The following RBFOX1 variants were observed in gnomAD, a reference collection of about 807,000 sequenced individuals.
RBFOX1 encodes the protein RNA binding protein fox-1 homolog 1.
In RBFOX1, 8 loss-of-function variants were observed where a neutral mutation model predicts 57.7. The observed-to-expected ratio is 0.14, with a 90% CI of 0.08 to 0.25. RBFOX1 has a LOEUF of 0.25. Among genes scored for constraint, RBFOX1 ranks in the 10% least tolerant of loss-of-function variants. The pLI, the probability that RBFOX1 is intolerant of heterozygous loss-of-function variation, is 1.00. For synonymous variants in RBFOX1, 326 were observed against 222.4 expected (o/e 1.47, Z -4.15); for missense variants, 611 against 548.5 (o/e 1.11, Z -1.14).
rs148347729 is a variant in RBFOX1, at chr16:7,038,669, C to T, written c.-15-13388C>T. On this transcript the variant is annotated intron_variant, in intron 3 of 15. Transcript: ENST00000550418. ...ATCAAGCCTGAAGTGAACAACTCCACGAGACTGCATTCTTGCAGAAAGCAG... is the reference window on the plus strand; with the variant it reads ...ATCAAGCCTGAAGTGAACAACTCCATGAGACTGCATTCTTGCAGAAAGCAG... 4.9e-4 allele frequency among the ~76,000 whole-genome samples: 74 copies of T among 152,212 alleles called. 2 individuals carry two copies. The East Asian group carries it at 9.9e-3, about 20-fold the overall frequency.
intron 1 of RBFOX1, among the ~76,000 whole-genome samples, chr16:5,381,340 T>C (rs2066125896): frequency 6.6e-6 from 1 of 152,252 alleles, no homozygotes. Flanking sequence ...AAATAATTAA[T>C]ATTTATTTAG....
At chr16:6,521,451 G>GTCCCC (rs1223370084) in intron 2 of RBFOX1, among the ~76,000 whole-genome samples, 1 of 55,514 alleles carries the variant, frequency 1.8e-5, no homozygotes, top group African/African-American at 7.1e-5. Flanking sequence ...CTCCCCTCCC[G>GTCCCC]TCCCCTCTCC....
At chr16:6,562,391 C>G (rs762398438) in intron 2 of RBFOX1, among the ~76,000 whole-genome samples, 5 of 152,214 alleles carry the variant, frequency 3.3e-5, no homozygotes, top group Non-Finnish European at 7.3e-5. Flanking sequence ...GTGTATCACT[C>G]TTCAGAGCAC....
chr16:6,513,333 T>C (rs1409570764), intron 2 of RBFOX1, among the ~76,000 whole-genome samples: 1 of 152,196 alleles, frequency 6.6e-6, no homozygotes, highest in Non-Finnish European at 1.5e-5. Context: ...CTCCTCCTTG[T>C]TGTCTAACTT....
intron 3 of RBFOX1, among the ~76,000 whole-genome samples, chr16:5,814,341 T>G (rs1307957822): frequency 6.6e-6 from 1 of 152,164 alleles, no homozygotes; most frequent in South Asian, 2.1e-4. Flanking sequence ...TCACTCTAAT[T>G]TATATGAAGA....
At chr16:7,419,096 C>T (rs1461180709) in intron 4 of RBFOX1, among the ~76,000 whole-genome samples, 2 of 152,012 alleles carry the variant, frequency 1.3e-5, no homozygotes, top group African/African-American at 4.8e-5. Flanking sequence ...TTACTAGAGA[C>T]AGGGTTTCGC....
At chr16:7,265,820 C>A (rs529137756) in intron 4 of RBFOX1, among the ~76,000 whole-genome samples, 47 of 152,126 alleles carry the variant, frequency 3.1e-4, no homozygotes, top group African/African-American at 1.0e-3. Flanking sequence ...GATATTTGTC[C>A]CCACTCAAAT....
At chr16:6,747,456 CTG>C (rs1341096568) in intron 3 of RBFOX1, among the ~76,000 whole-genome samples, 1 of 151,200 alleles carries the variant, frequency 6.6e-6, no homozygotes, top group Non-Finnish European at 1.5e-5. Flanking sequence ...GTCTGTCTGT[CTG>C]TCTGTCTGTC....
At chr16:6,470,340 C>G (rs1375507996) in intron 2 of RBFOX1, among the ~76,000 whole-genome samples, 3 of 152,166 alleles carry the variant, frequency 2.0e-5, no homozygotes, top group African/African-American at 4.8e-5. Flanking sequence ...TAGGTATAAA[C>G]TAGTCATGGA....
intron 3 of RBFOX1, among the ~76,000 whole-genome samples, chr16:6,982,993 T>A (rs1248988386): frequency 1.9e-4 from 15 of 79,326 alleles, no homozygotes; most frequent in Admixed American, 3.6e-4. Flanking sequence ...AGACTCTGTC[T>A]AAAAAAAAAA....
At chr16:7,403,802 TC>T (rs1329865005) in intron 4 of RBFOX1, among the ~76,000 whole-genome samples, 2 of 151,980 alleles carry the variant, frequency 1.3e-5, no homozygotes, top group African/African-American at 4.8e-5. Flanking sequence ...CACCTCAGCC[TC>T]CCAAAGTGCT....
At chr16:7,502,661 C>G (rs560803810) in intron 4 of RBFOX1, among the ~76,000 whole-genome samples, 1 of 151,974 alleles carries the variant, frequency 6.6e-6, no homozygotes. Flanking sequence ...TAGTTACATA[C>G]GTATACATGT....
At chr16:6,687,470 A>C in intron 3 of RBFOX1, among the ~76,000 whole-genome samples, 1 of 152,218 alleles carries the variant, frequency 6.6e-6, no homozygotes, top group East Asian at 1.9e-4. Context: ...AAGTTAAATA[A>C]TTAAACTTAA....
At position 7,583,703 on chromosome 16, in the gene RBFOX1, C is replaced by G. The variant is rs1252564247; in HGVS notation, c.415-3544C>G. 3.9e-5 allele frequency among the ~76,000 whole-genome samples: 6 copies of G among 152,176 alleles called. No individual in the cohort carries two copies. The East Asian group carries it at 1.2e-3, about 29-fold the overall frequency. ...CAAAATACAGACCCTCTTGGCCAGG[C>G]ATGATGGTGGCTTATACCTGTAATC... On this transcript the variant is annotated intron_variant, in intron 6 of 15. Coordinates refer to ENST00000550418, the MANE Select transcript of RBFOX1 (RefSeq NM_018723.4).
intron 3 of RBFOX1, among the ~76,000 whole-genome samples, chr16:7,049,396 C>A (rs1259127417): frequency 6.6e-6 from 1 of 152,046 alleles, no homozygotes; most frequent in Non-Finnish European, 1.5e-5. Flanking sequence ...TACATGAACA[C>A]TACCCTGAGA....
intron 3 of RBFOX1, among the ~76,000 whole-genome samples, chr16:6,953,099 G>T (rs964588175): frequency 6.6e-6 from 1 of 152,110 alleles, no homozygotes. Flanking sequence ...AACAAAGAAG[G>T]CTTGAAGGTC....
At chr16:6,716,782 G>C (rs1272706026) in intron 3 of RBFOX1, among the ~76,000 whole-genome samples, 1 of 152,004 alleles carries the variant, frequency 6.6e-6, no homozygotes, top group Non-Finnish European at 1.5e-5. Flanking sequence ...TTTCCCTGGG[G>C]TTGTGAAAGT....
chr16:6,251,483 A>G (rs527392970), intron 1 of RBFOX1, among the ~76,000 whole-genome samples: 65 of 152,258 alleles, frequency 4.3e-4, no homozygotes, highest in African/African-American at 1.5e-3. Context: ...GCAGCAGCCT[A>G]AGAACCAAAA....
chr16:6,067,942 A>G (rs1270795913), intron 1 of RBFOX1, among the ~76,000 whole-genome samples: 1 of 152,236 alleles, frequency 6.6e-6, no homozygotes, highest in African/African-American at 2.4e-5. Flanking sequence ...CTTGAACAGT[A>G]TCCAACTAGC....
Sources: gnomAD v4.1 joint callset for allele counts (sites outside exome capture counted in the v4.1 genomes callset) on GRCh38, gnomAD v4.1.1 for gene constraint, MANE v1.5 for transcripts, NCBI Gene and HGNC (gene_info 2026-07-23, HGNC 2026-07-21) for gene names.